Variants in NRXN1 observed in about 807,000 individuals in gnomAD.
NRXN1 encodes the protein neurexin-1.
In NRXN1, 39 loss-of-function variants were observed where a neutral mutation model predicts 150.9. The ratio of observed to expected loss-of-function variants is 0.26; its 90% CI spans 0.20 to 0.34. The LOEUF (loss-of-function observed/expected upper bound fraction) is 0.34, where lower values mean the gene tolerates loss of function less well. Ranked by LOEUF, NRXN1 falls within the 10% of genes least tolerant of loss-of-function variation. The pLI is 1.00. For missense variants in NRXN1, 1,815 were observed against 1,949.9 expected, an observed-to-expected ratio of 0.93 and a Z score of 1.30; for synonymous variants, 924 against 757.0, an observed-to-expected ratio of 1.22 and a Z score of -3.62.
chr2:50,087,109 CA>C (rs1268397539), intron 19 of NRXN1, among the ~76,000 whole-genome samples: 2 of 152,148 alleles, frequency 1.3e-5, no homozygotes, highest in Non-Finnish European at 2.9e-5. Flanking sequence ...CCACTCACTT[CA>C]AAATGGTCTC....
At chr2:49,993,488 C>G (rs867309783) in intron 21 of NRXN1, among the ~76,000 whole-genome samples, 10 of 152,092 alleles carry the variant, frequency 6.6e-5, no homozygotes, top group Non-Finnish European at 1.3e-4. Flanking sequence ...TAGATCCATG[C>G]CATGATATAT....
At chr2:50,717,275 A>T (rs1695986559) in intron 5 of NRXN1, among the ~76,000 whole-genome samples, 1 of 152,128 alleles carries the variant, frequency 6.6e-6, no homozygotes, top group Admixed American at 6.5e-5. Context: ...ATCAAATTCT[A>T]ATTATCAAGG....
intron 5 of NRXN1, among the ~76,000 whole-genome samples, chr2:50,673,932 C>T (rs1010607308): frequency 3.7e-4 from 56 of 151,954 alleles, no homozygotes; most frequent in African/African-American, 1.2e-3. Context: ...TCATCAAACT[C>T]ATCACCCGCC....
At chr2:50,748,842 T>A (rs770810611) in intron 5 of NRXN1, among the ~76,000 whole-genome samples, 1 of 152,122 alleles carries the variant, frequency 6.6e-6, no homozygotes, top group Non-Finnish European at 1.5e-5. Context: ...CTCTGAGCAA[T>A]ATACTGCTTC....
intron 18 of NRXN1, among the ~76,000 whole-genome samples, chr2:50,135,122 A>G (rs1706190457): frequency 6.6e-6 from 1 of 152,212 alleles, no homozygotes; most frequent in Admixed American, 6.5e-5. Context: ...CAAGCAACAG[A>G]AAAGCATGCT....
intron 17 of NRXN1, among the ~76,000 whole-genome samples, chr2:50,447,737 TTATATATATATATATATATATATATATA>T (rs70948710): frequency 5.3e-5 from 2 of 37,934 alleles, no homozygotes; most frequent in Admixed American, 3.4e-4. Flanking sequence ...CAGGGGAACG[TTATATATATATATATATATATATATATA>T]TATATATATA....
At chr2:50,118,289 C>T (rs1160172147) in intron 18 of NRXN1, among the ~76,000 whole-genome samples, 1 of 152,082 alleles carries the variant, frequency 6.6e-6, no homozygotes, top group Non-Finnish European at 1.5e-5. Flanking sequence ...CTCACAAGCT[C>T]CCAGGTGATG....
At chr2:50,550,209 T>G (rs1471837959) in intron 9 of NRXN1, among the ~76,000 whole-genome samples, 1 of 152,070 alleles carries the variant, frequency 6.6e-6, no homozygotes, top group Non-Finnish European at 1.5e-5. Context: ...AACCGTCTAA[T>G]CTGATATGGG....
intron 18 of NRXN1, among the ~76,000 whole-genome samples, chr2:50,100,875 A>G (rs1700888588): frequency 1.3e-5 from 2 of 152,076 alleles, no homozygotes. Context: ...ATAATCAATG[A>G]GCAGAAATCA....
chr2:50,778,592 G>C (rs1312923038), intron 5 of NRXN1, among the ~76,000 whole-genome samples: 2 of 152,156 alleles, frequency 1.3e-5, no homozygotes, highest in Non-Finnish European at 2.9e-5. Flanking sequence ...TTTAATGAAA[G>C]AGACAGAGAT....
chr2:50,709,415 G>A (rs1694855874), intron 5 of NRXN1, among the ~76,000 whole-genome samples: 1 of 152,098 alleles, frequency 6.6e-6, no homozygotes, highest in African/African-American at 2.4e-5. Context: ...CATTATAGCA[G>A]GAGGATCTAA....
chr2:50,346,519 T>C lies in NRXN1; in HGVS notation c.3365-109549A>G, dbSNP rs974973937. Among the ~76,000 whole-genome samples the C allele has an allele frequency of 6.6e-6, 1 of 150,446 alleles. No individual in the cohort carries two copies. Among genetic ancestry groups the C allele is most frequent in the East Asian group, 2.0e-4 (1 of 5,004 alleles). ...CCAACACCCGCGACGCCTTCCCCCA[T>C]CCCCTTTCTATTGTCTTCAAAGAGA... On this transcript the variant is annotated intron_variant, in intron 17 of 22. Coordinates refer to ENST00000401669, the MANE Select transcript of NRXN1 (RefSeq NM_001330078.2). The surrounding 1 kb of genome is among the most constrained non-coding windows in gnomAD (Gnocchi z 5.0).
At chr2:50,032,981 G>T (rs1334366897) in intron 21 of NRXN1, among the ~76,000 whole-genome samples, 1 of 151,172 alleles carries the variant, frequency 6.6e-6, no homozygotes, top group Admixed American at 6.6e-5. Context: ...TTTATATACT[G>T]TGTATACACA....
chr2:50,816,542 T>C (rs1668966340), intron 5 of NRXN1, among the ~76,000 whole-genome samples: 1 of 152,156 alleles, frequency 6.6e-6, no homozygotes, highest in Admixed American at 6.6e-5. Flanking sequence ...AGGCTGCTCA[T>C]CTGGATTTAT....
chr2:50,356,631 G>A (rs910220659), intron 17 of NRXN1, among the ~76,000 whole-genome samples: 6 of 152,060 alleles, frequency 3.9e-5, no homozygotes, highest in African/African-American at 9.7e-5. Flanking sequence ...TCCTGGTTGC[G>A]TTCAAGTACA....
rs554066667 is a variant in NRXN1, at chr2:50,584,543, T to TA, written c.1321-31519dup. Among the ~76,000 whole-genome samples, 454 of 152,298 alleles carry TA rather than the reference T, an allele frequency of 3.0e-3. 4 individuals are homozygous for TA. The highest frequency in any genetic ancestry group is 6.8e-3 in the Middle Eastern group (2 of 294). On this transcript the variant is annotated intron_variant, in intron 8 of 22. Transcript: ENST00000401669. ...ACACTCCCTTTCTGAACAAAAGGAATAAATGGGCAGCTATTGGCAAAGAAG... is the reference window on the plus strand; with the variant it reads ...ACACTCCCTTTCTGAACAAAAGGAATAAAATGGGCAGCTATTGGCAAAGAAG...
At chr2:50,279,724 T>A (rs1284246747) in intron 17 of NRXN1, among the ~76,000 whole-genome samples, 1 of 152,166 alleles carries the variant, frequency 6.6e-6, no homozygotes, top group Non-Finnish European at 1.5e-5. Context: ...AGAAAAAAAA[T>A]TCACTTCGTA....
chr2:50,198,801 T>C (rs556918349), intron 18 of NRXN1, among the ~76,000 whole-genome samples: 129 of 152,268 alleles, frequency 8.5e-4, no homozygotes, highest in African/African-American at 2.9e-3. Flanking sequence ...CATGGTTTCT[T>C]GTACTCTGCA....
intron 8 of NRXN1, among the ~76,000 whole-genome samples, chr2:50,598,208 T>A (rs1675558986): frequency 6.6e-6 from 1 of 151,660 alleles, no homozygotes; most frequent in South Asian, 2.1e-4. Flanking sequence ...AATAAATGAA[T>A]GAGTCCAAAT....
Sources: gnomAD v4.1 joint callset for allele counts (sites outside exome capture counted in the v4.1 genomes callset) on GRCh38, gnomAD v4.1.1 for gene constraint, Gnocchi (gnomAD v3.1) non-coding constraint, MANE v1.5 for transcripts, NCBI Gene and HGNC (gene_info 2026-07-23, HGNC 2026-07-21) for gene names.